The following SIPA1L2 variants were observed in gnomAD, a reference collection of about 807,000 sequenced individuals.
SIPA1L2 encodes the protein signal induced proliferation associated 1 like 2, also known as signal-induced proliferation-associated 1-like protein 2.
In SIPA1L2, 56 loss-of-function variants were observed where a neutral mutation model predicts 163.9. That is an observed-to-expected ratio of 0.34 (90% CI 0.28 to 0.43). The LOEUF is 0.43. Among genes scored for constraint, SIPA1L2 ranks in the 20% least tolerant of loss-of-function variants. The pLI, the probability that SIPA1L2 is intolerant of heterozygous loss-of-function variation, is 1.00. For missense variants in SIPA1L2, 1,974 were observed against 2,193.5 expected (o/e 0.90, Z 2.00); for synonymous variants, 877 against 865.7 (o/e 1.01, Z -0.23).
intron 15 of SIPA1L2, among the ~76,000 whole-genome samples, chr1:232,434,574 G>T (rs993182950): frequency 6.6e-6 from 1 of 152,112 alleles, no homozygotes; most frequent in Non-Finnish European, 1.5e-5. Context: ...GTGACCTGAG[G>T]AGTAAGGCAA....
Position 232,490,964 on chromosome 1 carries a change from G to A in SIPA1L2, c.1716C>T (p.Tyr572=), listed in dbSNP as rs370623003. The A allele has an allele frequency of 5.0e-6, 8 of 1,614,142 alleles. No homozygotes were observed. Among genetic ancestry groups the A allele is most frequent in the Middle Eastern group, 1.7e-4 (1 of 6,060 alleles). ...ACTGAATGCTCAGCTCTGGAATGAC[G>A]TATTCCAAAACTTCTTTGAGAGGTA... The part of the protein sequence containing the change: ...RGLPLKEVLE[Y]VIPELSIQCL... The change falls in exon 5 of 23, where the codon TAC becomes TAT. Residue 572 remains tyrosine, a synonymous_variant. Transcript: ENST00000674635.
At chr1:232,455,730 A>AAAAAAAG (rs1290555931) in intron 10 of SIPA1L2, among the ~76,000 whole-genome samples, 9 of 151,776 alleles carry the variant, frequency 5.9e-5, no homozygotes, top group Admixed American at 4.6e-4. Flanking sequence ...AAAAAAAAAA[A>AAAAAAAG]AGAGAAAATT....
At chr1:232,508,718 T>A (rs944123626) in intron 3 of SIPA1L2, among the ~76,000 whole-genome samples, 6 of 152,346 alleles carry the variant, frequency 3.9e-5, no homozygotes, top group Admixed American at 3.9e-4. Context: ...GGCACCAATG[T>A]GTCTTCATGG....
chr1:232,453,819 G>A (rs1322022396), intron 10 of SIPA1L2, among the ~76,000 whole-genome samples: 3 of 150,986 alleles, frequency 2.0e-5, no homozygotes, highest in Non-Finnish European at 4.4e-5. Context: ...TTTTCAGTAG[G>A]TGCTAAAAGA....
chr1:232,439,361 C>T lies in SIPA1L2; in HGVS notation c.3778G>A (p.Gly1260Arg). 6.2e-7 allele frequency: 1 copy of T among 1,614,198 alleles called. No homozygotes were observed. The highest frequency in any genetic ancestry group is 8.5e-7 in the Non-Finnish European group (1 of 1,180,040). Reference protein sequence around the residue: ...PELLGLTYIKGASTDSGIDTA... With the variant: ...PELLGLTYIKRASTDSGIDTA... ...TCGATGCCACTGTCGGTGGAGGCCC[C>T]TTTGATGTAGGTCAGCCCCAGTAAT... Residue 1260 changes from glycine to arginine, a missense_variant, in exon 15 of 23, where the codon GGG (glycine) becomes AGG (arginine). Physicochemically the swap from Gly to Arg is moderately radical, Grantham distance 125. Transcript: ENST00000674635.
chr1:232,630,059 C>T lies in SIPA1L2; in HGVS notation c.-509G>A, dbSNP rs1663306908. Among the ~76,000 whole-genome samples, 1 of 150,096 alleles carries T rather than the reference C, an allele frequency of 6.7e-6. No homozygotes were observed. Among genetic ancestry groups the T allele is most frequent in the South Asian group, 2.1e-4 (1 of 4,830 alleles). ...GAGCTCTCGGCCTGCGCTCGGGCGG[C>T]CGGCGGGGGCGCGGTGCTCCTCCTC... On this transcript the variant is annotated 5_prime_UTR_variant, in exon 1 of 23. Transcript: ENST00000674635.
chr1:232,523,042 A>G (rs55975316), intron 2 of SIPA1L2, among the ~76,000 whole-genome samples: 2,591 of 152,344 alleles, frequency 0.017, 79 homozygotes, highest in African/African-American at 0.06. Context: ...TCTCCAGGGA[A>G]GCACTATTCT....
chr1:232,446,145 G>A (rs1663205981), intron 10 of SIPA1L2, among the ~76,000 whole-genome samples: 1 of 152,226 alleles, frequency 6.6e-6, no homozygotes, highest in Middle Eastern at 3.4e-3. Flanking sequence ...GCTGTTCCAA[G>A]ACCCCCAATA....
chr1:232,416,265 T>C (rs908877279), intron 18 of SIPA1L2, among the ~76,000 whole-genome samples: 5 of 152,122 alleles, frequency 3.3e-5, no homozygotes, highest in Non-Finnish European at 7.4e-5. Context: ...CTGCTCTTAA[T>C]GGAAAAAGAA....
At chr1:232,428,284 T>C in intron 17 of SIPA1L2, 127 bp downstream of exon 17, 1 of 736,468 alleles carries the variant, frequency 1.4e-6, no homozygotes, top group Non-Finnish European at 2.0e-6. Context: ...GTGCAGTGAG[T>C]TGTTGGTAGG....
intron 8 of SIPA1L2, among the ~76,000 whole-genome samples, chr1:232,467,989 T>C (rs1364882556): frequency 2.0e-5 from 3 of 152,224 alleles, no homozygotes; most frequent in Non-Finnish European, 4.4e-5. Context: ...TGCCATATTC[T>C]TGTTCAATAA....
chr1:232,546,472 C>T (rs986312507), intron 2 of SIPA1L2, among the ~76,000 whole-genome samples: 3 of 152,200 alleles, frequency 2.0e-5, no homozygotes, highest in African/African-American at 7.2e-5. Flanking sequence ...GACTGCCCAG[C>T]CGGGCAACCA....
chr1:232,472,567 C>T (rs761303987), intron 7 of SIPA1L2, among the ~76,000 whole-genome samples: 16 of 152,200 alleles, frequency 1.1e-4, no homozygotes, highest in Non-Finnish European at 1.9e-4. Context: ...TAAAGGCACT[C>T]GGTAAGCTTA....
chr1:232,520,494 C>T (rs1291729904), intron 2 of SIPA1L2, among the ~76,000 whole-genome samples: 6 of 152,078 alleles, frequency 3.9e-5, no homozygotes, highest in Non-Finnish European at 7.4e-5. Flanking sequence ...AGATGTTTTT[C>T]GACGTTTTCC....
At chr1:232,547,575 G>A (rs1268142515) in intron 2 of SIPA1L2, among the ~76,000 whole-genome samples, 1 of 142,118 alleles carries the variant, frequency 7.0e-6, no homozygotes, top group Non-Finnish European at 1.5e-5. Context: ...CGGGGTGGGG[G>A]CTGGGTGGGG....
intron 2 of SIPA1L2, among the ~76,000 whole-genome samples, chr1:232,569,974 G>A (rs754700286): frequency 6.8e-4 from 104 of 152,178 alleles, no homozygotes; most frequent in Admixed American, 1.9e-3. Flanking sequence ...CCCAAAGGGT[G>A]AAAGGCGGAA....
At chr1:232,488,818 G>C (rs1037566316) in intron 5 of SIPA1L2, among the ~76,000 whole-genome samples, 7 of 152,202 alleles carry the variant, frequency 4.6e-5, no homozygotes, top group Non-Finnish European at 1.0e-4. Context: ...GCTTGCACTT[G>C]ATTCAGAAGA....
chr1:232,480,655 A>C (rs1053386246), intron 6 of SIPA1L2, among the ~76,000 whole-genome samples: 9 of 152,238 alleles, frequency 5.9e-5, no homozygotes. Context: ...AAGATATACA[A>C]AAAGGAAAAT....
chr1:232,615,844 A>C (rs1171070442), intron 1 of SIPA1L2, among the ~76,000 whole-genome samples: 1 of 152,228 alleles, frequency 6.6e-6, no homozygotes, highest in African/African-American at 2.4e-5. Context: ...AGAGCACCAC[A>C]AGGGCAACAC....
Sources: gnomAD v4.1 joint callset for allele counts (sites outside exome capture counted in the v4.1 genomes callset) on GRCh38, gnomAD v4.1.1 for gene constraint, MANE v1.5 for transcripts, NCBI Gene and HGNC (gene_info 2026-07-23, HGNC 2026-07-21) for gene names.